SLC35G2: variants seen among roughly 807,000 people sequenced by gnomAD.
SLC35G2 encodes solute carrier family 35 member G2, also known as transmembrane protein 22.
SLC35G2 carries 20 observed loss-of-function variants against 27.2 expected under a neutral mutation model. The ratio of observed to expected loss-of-function variants is 0.74; its 90% CI spans 0.52 to 1.07. SLC35G2 has a LOEUF of 1.07. Ranked by LOEUF, SLC35G2 falls within the 50% of genes least tolerant of loss-of-function variation. The pLI, the probability that SLC35G2 is intolerant of heterozygous loss-of-function variation, is 0.00. For synonymous variants in SLC35G2, 148 were observed against 165.3 expected, an observed-to-expected ratio of 0.90 and a Z score of 0.80; for missense variants, 416 against 493.3, an observed-to-expected ratio of 0.84 and a Z score of 1.48.
At chr3:136,854,195 G>A (rs1489721051) in intron 1 of SLC35G2, among the ~76,000 whole-genome samples, 1 of 152,146 alleles carries the variant, frequency 6.6e-6, no homozygotes, top group Non-Finnish European at 1.5e-5. Context: ...AGAAGATAGA[G>A]CTGAATTAAA....
At chr3:136,823,302 G>A (rs1195267903) in intron 1 of SLC35G2, among the ~76,000 whole-genome samples, 1 of 152,148 alleles carries the variant, frequency 6.6e-6, no homozygotes, top group Non-Finnish European at 1.5e-5. Context: ...TATGTATTCT[G>A]ATTATTAATC....
chr3:136,850,657 T>G (rs1937594478), intron 1 of SLC35G2, among the ~76,000 whole-genome samples: 1 of 152,130 alleles, frequency 6.6e-6, no homozygotes, highest in Non-Finnish European at 1.5e-5. Flanking sequence ...GATATAACTT[T>G]GTATTTGTAT....
intron 1 of SLC35G2, among the ~76,000 whole-genome samples, chr3:136,850,593 A>AG (rs397739142): frequency 2.7e-5 from 4 of 150,520 alleles, no homozygotes; most frequent in African/African-American, 7.3e-5. Flanking sequence ...AGTGTGCACA[A>AG]TATTTATGCC....
intron 1 of SLC35G2, among the ~76,000 whole-genome samples, chr3:136,843,505 G>T (rs542635127): frequency 1.2e-4 from 18 of 151,932 alleles, no homozygotes; most frequent in African/African-American, 4.1e-4. Flanking sequence ...AATTAGCCGG[G>T]TGTGGTGGCA....
At chr3:136,831,401 T>G (rs951747779) in intron 1 of SLC35G2, among the ~76,000 whole-genome samples, 3 of 152,192 alleles carry the variant, frequency 2.0e-5, no homozygotes, top group Non-Finnish European at 2.9e-5. Flanking sequence ...ATTTGTTGAG[T>G]CTTACACTGA....
intron 1 of SLC35G2, among the ~76,000 whole-genome samples, chr3:136,850,075 C>A (rs2108033263): frequency 6.6e-6 from 1 of 152,244 alleles, no homozygotes; most frequent in Non-Finnish European, 1.5e-5. Flanking sequence ...CCACTGCACT[C>A]CAGCCTGGGG....
chr3:136,840,445 C>G (rs985134515), intron 1 of SLC35G2, among the ~76,000 whole-genome samples: 4 of 152,072 alleles, frequency 2.6e-5, no homozygotes, highest in Admixed American at 6.6e-5. Context: ...TGGACTGATT[C>G]ATCCATATTC....
intron 1 of SLC35G2, among the ~76,000 whole-genome samples, chr3:136,839,194 T>C (rs897521069): frequency 5.9e-5 from 9 of 152,108 alleles, no homozygotes; most frequent in Non-Finnish European, 8.8e-5. Flanking sequence ...TTTATGCAAA[T>C]TGATAAATCC....
chr3:136,826,986 T>A (rs1351080289), intron 1 of SLC35G2, among the ~76,000 whole-genome samples: 1 of 132,674 alleles, frequency 7.5e-6, no homozygotes, highest in Non-Finnish European at 1.7e-5. Flanking sequence ...TTTTTTTTTT[T>A]AGTATTTATT....
intron 1 of SLC35G2, among the ~76,000 whole-genome samples, chr3:136,824,754 T>TA (rs1470147107): frequency 6.6e-6 from 1 of 152,196 alleles, no homozygotes; most frequent in African/African-American, 2.4e-5. Context: ...CTTGCTTTTT[T>TA]AAAAAAATTA....
intron 1 of SLC35G2, among the ~76,000 whole-genome samples, chr3:136,833,689 C>T (rs1398450992): frequency 6.6e-6 from 1 of 152,110 alleles, no homozygotes; most frequent in East Asian, 1.9e-4. Context: ...GTTGATCTGA[C>T]AGGAGGTAGA....
At chr3:136,852,208 C>G (rs1404244271) in intron 1 of SLC35G2, among the ~76,000 whole-genome samples, 3 of 96,434 alleles carry the variant, frequency 3.1e-5, no homozygotes, top group African/African-American at 1.1e-4. Context: ...TCAGATTAGC[C>G]TGATAGTGGT....
In SLC35G2 at chr3:136,854,961, A is replaced by T; in HGVS notation, c.501A>T (p.Arg167=). 5.0e-6 allele frequency: 8 copies of T among 1,613,418 alleles called. No individual in the cohort carries two copies. The highest frequency in any genetic ancestry group is 6.8e-6 in the Non-Finnish European group (8 of 1,179,882). The change falls in exon 2 of 2, where the codon CGA becomes CGT. Residue 167 remains arginine (R), a synonymous_variant. Transcript: ENST00000446465. ...TTGGACCCAGTGGATACAGATTACG[A>T]CTCTTCTTTTATGGTGTATGCAATG... ...APFGPSGYRL[R]LFFYGVCNVI...
chr3:136,851,456 C>T (rs1321345004), intron 1 of SLC35G2, among the ~76,000 whole-genome samples: 1 of 137,954 alleles, frequency 7.2e-6, no homozygotes, highest in African/African-American at 2.7e-5. Context: ...CGAGATTGTG[C>T]CACTGCGCTC....
chr3:136,840,311 A>G lies in SLC35G2; in HGVS notation c.-18-14132A>G, dbSNP rs532542149. Among the ~76,000 whole-genome samples the G allele has an allele frequency of 3.3e-5, 5 of 152,226 alleles. No homozygotes were observed. The South Asian group carries it at 6.2e-4, about 19-fold the overall frequency. On this transcript the variant is annotated intron_variant, in intron 1 of 1. Coordinates refer to ENST00000446465, the MANE Select transcript of SLC35G2 (RefSeq NM_025246.3). ...GTGCCCAGATTTTTTTCTAGCCTGA[A>G]ATAAGTGAGCTGTCATCCAGTTCTG... is the stretch of plus-strand genomic sequence containing the variant.
chr3:136,832,956 C>T (rs1576891998), intron 1 of SLC35G2, among the ~76,000 whole-genome samples: 1 of 151,766 alleles, frequency 6.6e-6, no homozygotes, highest in East Asian at 1.9e-4. Context: ...GTAGTCCCAG[C>T]TACTTGGGAG....
chr3:136,845,750 C>G (rs1937344612), intron 1 of SLC35G2, among the ~76,000 whole-genome samples: 1 of 151,964 alleles, frequency 6.6e-6, no homozygotes, highest in Non-Finnish European at 1.5e-5. Flanking sequence ...TGCGCGCCAT[C>G]ACGTCTAGCT....
intron 1 of SLC35G2, among the ~76,000 whole-genome samples, chr3:136,851,787 G>T (rs1937646280): frequency 6.6e-6 from 1 of 152,108 alleles, no homozygotes; most frequent in Non-Finnish European, 1.5e-5. Context: ...TTTTTGTTTT[G>T]AGTCTTTTAA....
chr3:136,823,859 C>T lies in SLC35G2; in HGVS notation c.-19+4231C>T, dbSNP rs578062077. Among the ~76,000 whole-genome samples, 8 of 152,082 alleles carry T rather than the reference C, an allele frequency of 5.3e-5. No homozygotes were observed. In the South Asian group the frequency reaches 1.7e-3, roughly 32 times the overall value. ...GACCTTGTGATCCACCCACCTCAGC[C>T]TCCCAAAGTGCTGGGATTACAGGCT... On this transcript the variant is annotated intron_variant, in intron 1 of 1. Transcript: ENST00000446465.
Sources: allele counts gnomAD v4.1 joint callset (sites outside exome capture counted in the v4.1 genomes callset), GRCh38; gene constraint gnomAD v4.1.1; transcripts MANE v1.5; gene names NCBI Gene and HGNC (gene_info 2026-07-23, HGNC 2026-07-21).